The following FRK variants were observed in gnomAD, a reference collection of about 807,000 sequenced individuals.
The protein encoded by FRK is fyn related Src family tyrosine kinase.
A neutral mutation model predicts 56.4 loss-of-function variants in FRK; 51 were observed. That is an observed-to-expected ratio of 0.90 (90% CI 0.72 to 1.14). FRK has a LOEUF of 1.14. Ranked by LOEUF, FRK falls within the 50% of genes most tolerant of loss-of-function variation. The probability of loss-of-function intolerance (pLI) is 0.00; values close to 1 mark genes in which losing one functional copy is unlikely to be tolerated. For synonymous variants in FRK, 245 were observed against 217.9 expected (o/e 1.12, Z -1.10); for missense variants, 570 against 601.4 (o/e 0.95, Z 0.55).
chr6:116,001,002 G>C (rs989368502), intron 2 of FRK, among the ~76,000 whole-genome samples: 2 of 152,166 alleles, frequency 1.3e-5, no homozygotes, highest in East Asian at 3.9e-4. Flanking sequence ...CACTTTAGGA[G>C]GCCAGGGAGG....
At chr6:115,967,349 A>G (rs190707567) in intron 4 of FRK, among the ~76,000 whole-genome samples, 5 of 152,202 alleles carry the variant, frequency 3.3e-5, no homozygotes, top group South Asian at 2.1e-4. Context: ...ATATTTTAAG[A>G]CTCAGCTGAA....
In FRK at chr6:115,943,001, T is replaced by G; in HGVS notation, c.1306+19A>C. 6.2e-7 allele frequency: 1 copy of G among 1,604,614 alleles called. No individual in the cohort carries two copies. The highest frequency in any genetic ancestry group is 8.5e-7 in the Non-Finnish European group (1 of 1,176,204). ...AGTGACATGCAGCAGAAAGGTCCAC[T>G]TCAGAATTAATTACTCACCACTGTA... On this transcript the variant is annotated intron_variant, in intron 7 of 7. Transcript: ENST00000606080.
chr6:115,984,422 G>A (rs1774315636), intron 2 of FRK, among the ~76,000 whole-genome samples: 1 of 152,044 alleles, frequency 6.6e-6, no homozygotes, highest in Non-Finnish European at 1.5e-5. Flanking sequence ...ATGGGAAAGT[G>A]AAGCTGAGAT....
rs531308043 is a variant in FRK, at chr6:116,018,785, G to A, written c.345-14787C>T. 5.9e-5 allele frequency among the ~76,000 whole-genome samples: 9 copies of A among 151,986 alleles called. No homozygotes were observed. In the East Asian group the frequency reaches 1.7e-3, roughly 29 times the overall value. On this transcript the variant is annotated intron_variant, in intron 1 of 7. Coordinates refer to ENST00000606080, the MANE Select transcript of FRK (RefSeq NM_002031.3). ...ACATTTCCACCATGCTCTTTGCCTGGGATAATTTTTTTTTAATCATTGAAA... is the reference window on the plus strand; with the variant it reads ...ACATTTCCACCATGCTCTTTGCCTGAGATAATTTTTTTTTAATCATTGAAA...
intron 1 of FRK, among the ~76,000 whole-genome samples, chr6:116,024,992 T>C (rs577389716): frequency 6.6e-6 from 1 of 152,326 alleles, no homozygotes; most frequent in South Asian, 2.1e-4. Flanking sequence ...ATTGTGGTTT[T>C]GATTTGCATT....
At chr6:115,989,618 T>C (rs187030595) in intron 2 of FRK, among the ~76,000 whole-genome samples, 9 of 152,048 alleles carry the variant, frequency 5.9e-5, no homozygotes, top group Non-Finnish European at 1.5e-5. Context: ...GCAGAGAACA[T>C]GATTTCATTC....
intron 1 of FRK, among the ~76,000 whole-genome samples, chr6:116,044,978 C>A (rs1005378785): frequency 6.6e-6 from 1 of 152,154 alleles, no homozygotes; most frequent in Non-Finnish European, 1.5e-5. Flanking sequence ...AACTCTCATT[C>A]ACAATTGCTA....
chr6:116,069,594 A>G, the FRK span, among the ~76,000 whole-genome samples: 3 of 152,112 alleles, frequency 2.0e-5, no homozygotes, highest in African/African-American at 7.2e-5. Context: ...CTAAAAATCA[A>G]TCTCACTTGG....
chr6:116,058,262 C>A (rs1001953672), intron 1 of FRK, among the ~76,000 whole-genome samples: 3 of 152,108 alleles, frequency 2.0e-5, no homozygotes, highest in Non-Finnish European at 4.4e-5. Context: ...AAGATATTTC[C>A]TGTAGATTAT....
intron 1 of FRK, among the ~76,000 whole-genome samples, chr6:116,026,542 AGAAGGAAGGAAGGAAG>A (rs10584062): frequency 2.2e-5 from 3 of 138,380 alleles, no homozygotes; most frequent in African/African-American, 5.5e-5. Context: ...AAGGGAGGAA[AGAAGGAAGGAAGGAAG>A]GAAGGAAGGA....
intron 1 of FRK, among the ~76,000 whole-genome samples, chr6:116,056,722 G>A (rs1369385176): frequency 6.6e-6 from 1 of 152,066 alleles, no homozygotes; most frequent in Non-Finnish European, 1.5e-5. Context: ...AAGACCCTAA[G>A]GGCAAGGTTT....
intron 1 of FRK, among the ~76,000 whole-genome samples, chr6:116,025,928 AC>A (rs879192631): frequency 3.9e-5 from 6 of 152,266 alleles, no homozygotes; most frequent in Admixed American, 3.9e-4. Flanking sequence ...TCTGAGTTAA[AC>A]TGAGATGAGG....
At chr6:116,069,790 C>A in the FRK span, among the ~76,000 whole-genome samples, 1 of 152,134 alleles carries the variant, frequency 6.6e-6, no homozygotes, top group Non-Finnish European at 1.5e-5. Flanking sequence ...TTCCTCCTGT[C>A]TCTCTCACCT....
the FRK span, among the ~76,000 whole-genome samples, chr6:116,068,944 T>C: frequency 6.6e-6 from 1 of 152,160 alleles, no homozygotes; most frequent in Non-Finnish European, 1.5e-5. Flanking sequence ...AAAAATGATC[T>C]AGCAATATCC....
At chr6:116,064,590 A>T (rs775212472), upstream of FRK, among the ~76,000 whole-genome samples, 1 of 152,118 alleles carries the variant, frequency 6.6e-6, no homozygotes, top group African/African-American at 2.4e-5. Flanking sequence ...CAGAGGAGGG[A>T]ATACATTCTG....
intron 1 of FRK, among the ~76,000 whole-genome samples, chr6:116,022,660 C>T (rs867924930): frequency 6.6e-6 from 1 of 152,104 alleles, no homozygotes; most frequent in Non-Finnish European, 1.5e-5. Context: ...AAAACTTTCT[C>T]ATTCTGAAAA....
intron 1 of FRK, among the ~76,000 whole-genome samples, chr6:116,028,342 C>T (rs1439507502): frequency 1.3e-5 from 2 of 152,060 alleles, no homozygotes; most frequent in Admixed American, 6.6e-5. Flanking sequence ...TATTTAAAAA[C>T]TGGATGTTTT....
intron 1 of FRK, among the ~76,000 whole-genome samples, chr6:116,056,893 A>C (rs897193645): frequency 4.6e-5 from 7 of 152,250 alleles, no homozygotes; most frequent in Non-Finnish European, 8.8e-5. Context: ...GAAGATATTC[A>C]GTAAAGGTGA....
At chr6:116,091,370 G>A in the FRK span, among the ~76,000 whole-genome samples, 15 of 152,272 alleles carry the variant, frequency 9.9e-5, no homozygotes, top group Non-Finnish European at 1.0e-4. Context: ...AGCCAGCAGC[G>A]GCAGCCTGCT....
Sources: allele counts gnomAD v4.1 joint callset (sites outside exome capture counted in the v4.1 genomes callset), GRCh38; gene constraint gnomAD v4.1.1; transcripts MANE v1.5; gene names NCBI Gene and HGNC (gene_info 2026-07-23, HGNC 2026-07-21).